DNAAF9: variants seen among roughly 807,000 people sequenced by gnomAD.
DNAAF9 encodes dynein axonemal assembly factor 9.
A neutral mutation model predicts 167.0 loss-of-function variants in DNAAF9; 90 were observed. The ratio of observed to expected loss-of-function variants is 0.54; its 90% CI spans 0.45 to 0.64. DNAAF9 has a LOEUF of 0.64. Among genes scored for constraint, DNAAF9 ranks in the 30% least tolerant of loss-of-function variants. DNAAF9 has a pLI of 0.00. For synonymous variants in DNAAF9, 491 were observed against 508.8 expected (o/e 0.96, Z 0.47); for missense variants, 1,315 against 1,442.2 (o/e 0.91, Z 1.43).
intron 21 of DNAAF9, among the ~76,000 whole-genome samples, chr20:3,300,943 A>T (rs541969272): frequency 2.0e-5 from 3 of 151,354 alleles, no homozygotes; most frequent in Non-Finnish European, 4.4e-5. Flanking sequence ...AACAGAGAAG[A>T]AAGTTTTAAA....
At chr20:3,322,304 T>C in intron 15 of DNAAF9, 42 bp from the exon 16 acceptor site, 2 of 1,451,218 alleles carry the variant, frequency 1.4e-6, no homozygotes, top group Non-Finnish European at 1.9e-6. Context: ...AAAGAGTTTT[T>C]AAGTGTACTT....
intron 7 of DNAAF9, among the ~76,000 whole-genome samples, chr20:3,348,874 C>A (rs1472946796): frequency 1.3e-5 from 2 of 151,980 alleles, no homozygotes; most frequent in Admixed American, 6.6e-5. Flanking sequence ...CCAGAAAAAG[C>A]AAATCTGTAG....
chr20:3,401,934 C>A (rs1247373402), intron 1 of DNAAF9, among the ~76,000 whole-genome samples: 1 of 152,170 alleles, frequency 6.6e-6, no homozygotes, highest in African/African-American at 2.4e-5. Flanking sequence ...AGAAGGGACG[C>A]CAGCACGGGA....
chr20:3,285,752 G>C (rs1287346985), intron 27 of DNAAF9, among the ~76,000 whole-genome samples: 1 of 151,446 alleles, frequency 6.6e-6, no homozygotes, highest in African/African-American at 2.4e-5. Context: ...GCTGAGGTGG[G>C]CGGATCACCT....
At chr20:3,297,039 T>C (rs187913939) in intron 22 of DNAAF9, 90 bp from the exon 23 acceptor site, 44 of 755,908 alleles carry the variant, frequency 5.8e-5, no homozygotes, top group African/African-American at 3.1e-4. Context: ...GTTGAAAATC[T>C]AGACTGTCAC....
chr20:3,295,530 T>C, intron 23 of DNAAF9: 1 of 328,422 alleles, frequency 3.0e-6, no homozygotes, highest in South Asian at 2.7e-5. Flanking sequence ...TGTATTTATG[T>C]TGAATTCCCC....
chr20:3,330,725 A>G lies in DNAAF9; in HGVS notation c.1064-43T>C, dbSNP rs756371165. On this transcript the variant is annotated intron_variant, in intron 11 of 36. Transcript: ENST00000252032. Reference sequence around the variant, plus strand: ...TAAGAATGTGACAAGAGCACAGGATATGCAAACACTTAACAAGGAAGCTAG... The same window carrying G: ...TAAGAATGTGACAAGAGCACAGGATGTGCAAACACTTAACAAGGAAGCTAG... 4 of 1,268,208 alleles carry G rather than the reference A, an allele frequency of 3.2e-6. No homozygotes were observed. The South Asian group carries it at 3.8e-5, about 12-fold the overall frequency. The allele number at this position is 1,268,208 out of a possible 1,614,324, so 78.6% of individuals were successfully genotyped here. A position where few individuals can be genotyped will look rare whatever the true frequency, so the allele number is the denominator to read the frequency against.
At chr20:3,402,933 G>A (rs899146130) in intron 1 of DNAAF9, among the ~76,000 whole-genome samples, 1 of 152,146 alleles carries the variant, frequency 6.6e-6, no homozygotes, top group Non-Finnish European at 1.5e-5. Context: ...TTCTTCGCAA[G>A]TCTTTTCAAT....
rs7274674 is a variant in DNAAF9 at position 3,395,113 on chromosome 20, G to A, written c.83+12362C>T. 9.1e-3 allele frequency among the ~76,000 whole-genome samples: 1,357 copies of A among 148,312 alleles called. 76 individuals carry two copies. Among genetic ancestry groups the A allele is most frequent in the African/African-American group, 0.033 (1,299 of 39,154 alleles). Reference sequence around the variant, plus strand: ...CTCCCATGTAGCTGGGACTACAGGCGTGCGCCACCATGCCCGGCTAATTTT... The same window carrying A: ...CTCCCATGTAGCTGGGACTACAGGCATGCGCCACCATGCCCGGCTAATTTT... On this transcript the variant is annotated intron_variant, in intron 1 of 36. Transcript: ENST00000252032.
At chr20:3,264,353 C>G in intron 31 of DNAAF9, 85 bp downstream of exon 31, 1 of 742,292 alleles carries the variant, frequency 1.3e-6, no homozygotes, top group Non-Finnish European at 2.4e-6. Context: ...GGTATTTTCA[C>G]CTTCTCTCTT....
intron 11 of DNAAF9, among the ~76,000 whole-genome samples, chr20:3,331,093 C>T (rs1392124600): frequency 6.6e-6 from 1 of 152,002 alleles, no homozygotes; most frequent in African/African-American, 2.4e-5. Context: ...GCCCAGCCTA[C>T]TTTTTTCTTT....
At chr20:3,279,088 A>G in intron 28 of DNAAF9, 139 bp from the exon 29 acceptor site, 1 of 673,676 alleles carries the variant, frequency 1.5e-6, no homozygotes. Context: ...ACTGAGCACT[A>G]AGGATAGCCA....
intron 7 of DNAAF9, among the ~76,000 whole-genome samples, chr20:3,351,726 G>A (rs1402792507): frequency 6.6e-6 from 1 of 152,148 alleles, no homozygotes; most frequent in Admixed American, 6.5e-5. Context: ...TCACGATAGT[G>A]TTATTCTTGT....
intron 35 of DNAAF9, among the ~76,000 whole-genome samples, chr20:3,254,699 C>T (rs900313055): frequency 6.6e-6 from 1 of 152,130 alleles, no homozygotes; most frequent in Non-Finnish European, 1.5e-5. Context: ...GACTCTGTGT[C>T]CTTTTTAGCT....
intron 1 of DNAAF9, among the ~76,000 whole-genome samples, chr20:3,393,930 TTTA>T (rs546228949): frequency 1.3e-3 from 202 of 152,366 alleles, no homozygotes; most frequent in African/African-American, 4.4e-3. Flanking sequence ...TTGTCAAATG[TTTA>T]TTGATTATCT....
intron 6 of DNAAF9, among the ~76,000 whole-genome samples, chr20:3,371,945 T>A (rs2083516551): frequency 6.6e-6 from 1 of 152,180 alleles, no homozygotes. Context: ...AACTTCCCTG[T>A]ACTGCTTCCC....
chr20:3,312,532 G>A (rs561319288), intron 20 of DNAAF9, among the ~76,000 whole-genome samples: 21 of 152,196 alleles, frequency 1.4e-4, no homozygotes, highest in African/African-American at 4.8e-4. Context: ...GCATCCTGAG[G>A]AGCTGAAGAT....
intron 30 of DNAAF9, among the ~76,000 whole-genome samples, chr20:3,268,441 G>C (rs1462824796): frequency 6.6e-6 from 1 of 151,804 alleles, no homozygotes; most frequent in Non-Finnish European, 1.5e-5. Flanking sequence ...CGATTCTCTT[G>C]CCTCAGTCTC....
Position 3,326,257 on chromosome 20 carries a change from A to T in DNAAF9, c.1128T>A (p.Ala376=), listed in dbSNP as rs2069709196. The change falls in exon 13 of 37, where the codon GCT becomes GCA. Residue 376 remains alanine, a synonymous_variant. Coordinates refer to ENST00000252032, the MANE Select transcript of DNAAF9 (RefSeq NM_001009984.3). ...TGCCAGCCAAAACAGCCTCAATAAC[A>T]GCAGCATATATCTGGGACAATAGCC... ...QIRLLSQIYA[A]VIEAVLAGIA... is the part of the protein sequence containing the mutation. 6.2e-7 allele frequency: 1 copy of T among 1,613,496 alleles called. No homozygotes were observed. The highest frequency in any genetic ancestry group is 8.5e-7 in the Non-Finnish European group (1 of 1,179,378).
Sources: allele counts gnomAD v4.1 joint callset (sites outside exome capture counted in the v4.1 genomes callset), GRCh38; gene constraint gnomAD v4.1.1; transcripts MANE v1.5; gene names NCBI Gene and HGNC (gene_info 2026-07-23, HGNC 2026-07-21).